The following TRIQK variants were observed in gnomAD, a reference collection of about 807,000 sequenced individuals.
TRIQK encodes the protein triple QxxK/R motif containing, also known as triple QxxK/R motif-containing protein.
Under a neutral mutation model 10.8 loss-of-function variants are expected in TRIQK, and 10 were observed. The observed-to-expected ratio is 0.92, with a 90% CI of 0.57 to 1.57. The LOEUF (loss-of-function observed/expected upper bound fraction) is 1.57. TRIQK is among the 40% of genes most tolerant of loss of function. TRIQK has a pLI of 0.00. For missense variants in TRIQK, 107 were observed against 97.7 expected (o/e 1.09, Z -0.40); for synonymous variants, 33 against 33.7 (o/e 0.98, Z 0.07).
chr8:92,995,175 A>C (rs1813141168), intron 1 of TRIQK, among the ~76,000 whole-genome samples: 1 of 151,856 alleles, frequency 6.6e-6, no homozygotes. Flanking sequence ...TCTTGATCTG[A>C]GAATTATGTC....
chr8:92,952,452 T>A (rs1346877954), intron 2 of TRIQK, among the ~76,000 whole-genome samples: 1 of 150,574 alleles, frequency 6.6e-6, no homozygotes, highest in Non-Finnish European at 1.5e-5. Context: ...CAGAACAGAA[T>A]ACCCAAAGAT....
chr8:92,931,197 T>C (rs978233886), intron 2 of TRIQK, among the ~76,000 whole-genome samples: 3 of 152,346 alleles, frequency 2.0e-5, no homozygotes, highest in African/African-American at 4.8e-5. Flanking sequence ...CAAAATGTTC[T>C]GATACACTTT....
intron 1 of TRIQK, among the ~76,000 whole-genome samples, chr8:92,996,308 A>T (rs1008532272): frequency 6.6e-6 from 1 of 151,880 alleles, no homozygotes; most frequent in Non-Finnish European, 1.5e-5. Flanking sequence ...TTGTACTTTT[A>T]TTTTCCAATG....
chr8:92,927,304 T>C (rs969104675), intron 2 of TRIQK, among the ~76,000 whole-genome samples: 38 of 152,090 alleles, frequency 2.5e-4, no homozygotes, highest in African/African-American at 8.5e-4. Flanking sequence ...AAAAAGTGGG[T>C]GACTTGATGT....
At chr8:92,951,850 C>A (rs902701972) in intron 2 of TRIQK, among the ~76,000 whole-genome samples, 2 of 152,034 alleles carry the variant, frequency 1.3e-5, no homozygotes, top group African/African-American at 4.8e-5. Flanking sequence ...AAGAGAAATA[C>A]TCAACTCCAG....
intron 1 of TRIQK, among the ~76,000 whole-genome samples, chr8:92,959,127 C>T (rs889630086): frequency 6.6e-6 from 1 of 151,870 alleles, no homozygotes; most frequent in Non-Finnish European, 1.5e-5. Flanking sequence ...TCCCCATGTC[C>T]ACATTATCCT....
At chr8:93,006,894 C>A (rs1265358693) in intron 1 of TRIQK, among the ~76,000 whole-genome samples, 1 of 152,210 alleles carries the variant, frequency 6.6e-6, no homozygotes, top group South Asian at 2.1e-4. Flanking sequence ...TGGCCACGGT[C>A]TCTGTGGATA....
chr8:92,920,288 C>T (rs778752335), intron 2 of TRIQK, among the ~76,000 whole-genome samples: 1 of 151,602 alleles, frequency 6.6e-6, no homozygotes. Flanking sequence ...ATGTTACAGT[C>T]GTAAGTATTC....
chr8:92,909,013 GTC>G (rs947857468), intron 3 of TRIQK, among the ~76,000 whole-genome samples: 57 of 151,818 alleles, frequency 3.8e-4, no homozygotes, highest in African/African-American at 1.4e-3. Context: ...AACACAATTT[GTC>G]ATATAAAGTA....
chr8:92,997,420 G>A (rs1813163386), intron 1 of TRIQK, among the ~76,000 whole-genome samples: 1 of 152,004 alleles, frequency 6.6e-6, no homozygotes, highest in Non-Finnish European at 1.5e-5. Flanking sequence ...AGGACGTTAG[G>A]TTACAAAGTA....
chr8:92,998,420 G>A (rs1813174425), intron 1 of TRIQK, among the ~76,000 whole-genome samples: 1 of 151,988 alleles, frequency 6.6e-6, no homozygotes, highest in Admixed American at 6.6e-5. Context: ...TAATAGAACA[G>A]TTTACTGAAA....
chr8:92,983,970 A>G (rs1813008836), intron 1 of TRIQK, among the ~76,000 whole-genome samples: 1 of 152,060 alleles, frequency 6.6e-6, no homozygotes, highest in African/African-American at 2.4e-5. Flanking sequence ...AATTCTGTAA[A>G]TTTGGTCAAG....
At chr8:92,978,913 T>C (rs1423948748) in intron 1 of TRIQK, among the ~76,000 whole-genome samples, 3 of 152,134 alleles carry the variant, frequency 2.0e-5, no homozygotes, top group African/African-American at 7.2e-5. Flanking sequence ...GCAATTTTAC[T>C]ATTCCTGCTA....
intron 2 of TRIQK, among the ~76,000 whole-genome samples, chr8:92,940,671 A>G (rs532820658): frequency 6.8e-4 from 104 of 152,328 alleles, no homozygotes; most frequent in African/African-American, 2.4e-3. Context: ...CTCCAACACA[A>G]TAATAGCACA....
chr8:92,911,400 C>G (rs10956856), intron 3 of TRIQK, among the ~76,000 whole-genome samples: 35,265 of 150,830 alleles, frequency 0.23, 4,923 homozygotes, highest in African/African-American at 0.39. Flanking sequence ...AAACGATTAA[C>G]AAAAAATGAC....
At chr8:92,968,875 C>T (rs1481964345), upstream of TRIQK, among the ~76,000 whole-genome samples, 1 of 152,106 alleles carries the variant, frequency 6.6e-6, no homozygotes, top group Admixed American at 6.6e-5. Flanking sequence ...AGTCTCTGCC[C>T]ATGCTTATGT....
At chr8:92,935,107 T>C (rs1810916769) in intron 2 of TRIQK, among the ~76,000 whole-genome samples, 1 of 151,780 alleles carries the variant, frequency 6.6e-6, no homozygotes, top group Non-Finnish European at 1.5e-5. Context: ...ATCAAATCTG[T>C]AATGCCTTTC....
At chr8:92,984,924 C>G (rs1431460314) in intron 1 of TRIQK, among the ~76,000 whole-genome samples, 1 of 152,056 alleles carries the variant, frequency 6.6e-6, no homozygotes, top group African/African-American at 2.4e-5. Flanking sequence ...GAATACTCAA[C>G]TGTTGTGTAT....
At chr8:92,887,241 A>G (rs1256649723) in intron 4 of TRIQK, among the ~76,000 whole-genome samples, 1 of 151,554 alleles carries the variant, frequency 6.6e-6, no homozygotes, top group African/African-American at 2.4e-5. Flanking sequence ...AGATGTATAC[A>G]TACTCATTAA....
Sources: allele counts gnomAD v4.1 joint callset (sites outside exome capture counted in the v4.1 genomes callset), GRCh38; gene constraint gnomAD v4.1.1; transcripts MANE v1.5; gene names NCBI Gene and HGNC (gene_info 2026-07-23, HGNC 2026-07-21).